The following ZNF536 variants were observed in gnomAD, a reference collection of about 807,000 sequenced individuals.
ZNF536 encodes the protein zinc finger protein 536.
A neutral mutation model predicts 84.5 loss-of-function variants in ZNF536; 13 were observed. The ratio of observed to expected loss-of-function variants is 0.15; its 90% confidence interval spans 0.10 to 0.24. The LOEUF (loss-of-function observed/expected upper bound fraction) is 0.24, where lower values mean the gene tolerates loss of function less well. Among genes scored for constraint, ZNF536 ranks in the 10% least tolerant of loss-of-function variants. The pLI, the probability that ZNF536 is intolerant of heterozygous loss-of-function variation, is 1.00. For missense variants in ZNF536, 1,536 were observed against 1,747.5 expected (o/e 0.88, Z 2.16); for synonymous variants, 811 against 742.5 (o/e 1.09, Z -1.50).
intron 2 of ZNF536, among the ~76,000 whole-genome samples, chr19:30,329,409 G>A (rs2047138055): frequency 6.6e-6 from 1 of 151,992 alleles, no homozygotes; most frequent in South Asian, 2.1e-4. Context: ...GGAATGGGAG[G>A]TGGGGAGGAA....
rs2046233067 is a variant in ZNF536 at position 30,302,948 on chromosome 19, C to T, written c.-120+18807C>T. Among the ~76,000 whole-genome samples, 3 of 152,202 alleles carry T rather than the reference C, an allele frequency of 2.0e-5. 1 individual carries two copies. The South Asian group carries it at 6.2e-4, about 32-fold the overall frequency. ...TTTACCCCCTGCTGAACTATAAACT[C>T]TCTGGTGGCAGGGACATTTTTCTTG... On this transcript the variant is annotated intron_variant, in intron 2 of 5. Transcript: ENST00000585628.
chr19:30,616,037 C>CCACCTTGTTAAATTTTCCTATTGTTTTG, intron 1 of ZNF536, among the ~76,000 whole-genome samples: 1 of 152,284 alleles, frequency 6.6e-6, no homozygotes, highest in South Asian at 2.1e-4. Context: ...TTATAACCAG[C>CCACCTTGTTAAATTTTCCTATTGTTTTG]CACCTTGTTA....
Position 30,445,889 on chromosome 19 carries a change from C to G in ZNF536, c.2170+157C>G, listed in dbSNP as rs1049625563. On this transcript the variant is annotated intron_variant, in intron 2 of 4. Coordinates refer to ENST00000355537, the MANE Select transcript of ZNF536 (RefSeq NM_014717.3). The surrounding 1 kb of genome is among the most constrained non-coding windows in gnomAD (Gnocchi z 4.5). ...ACTGGGCCATGCCTTTCTTTCCCCC[C>G]CTGACTGGAGGGAAAGGGCCGTCCT... Among the ~76,000 whole-genome samples, 5 of 152,238 alleles carry G rather than the reference C, an allele frequency of 3.3e-5. No individual in the cohort carries two copies. The highest frequency in any genetic ancestry group is 6.8e-3 in the Middle Eastern group (2 of 294).
chr19:30,684,094 C>T (rs2051079065), intron 1 of ZNF536, among the ~76,000 whole-genome samples: 1 of 151,988 alleles, frequency 6.6e-6, no homozygotes, highest in Non-Finnish European at 1.5e-5. Context: ...AGTAAAAGAA[C>T]CAAGATCAAC....
chr19:30,334,682 G>A (rs2047322755), intron 2 of ZNF536, among the ~76,000 whole-genome samples: 1 of 152,184 alleles, frequency 6.6e-6, no homozygotes, highest in Admixed American at 6.5e-5. Context: ...TCATGGAGAT[G>A]TTATTCATGA....
At chr19:30,454,322 TTAAAG>T (rs1259573451) in intron 2 of ZNF536, among the ~76,000 whole-genome samples, 3 of 152,174 alleles carry the variant, frequency 2.0e-5, no homozygotes, top group Non-Finnish European at 4.4e-5. Context: ...CTTCTCTTCA[TTAAAG>T]TAATGTCCAG....
chr19:30,687,758 C>T (rs950687432), intron 1 of ZNF536, among the ~76,000 whole-genome samples: 1 of 152,108 alleles, frequency 6.6e-6, no homozygotes, highest in Non-Finnish European at 1.5e-5. Context: ...ACTTTCAGGC[C>T]TCCTGCTGTA....
At chr19:30,458,811 C>G (rs1330012696) in intron 2 of ZNF536, among the ~76,000 whole-genome samples, 1 of 152,120 alleles carries the variant, frequency 6.6e-6, no homozygotes, top group Non-Finnish European at 1.5e-5. Context: ...GACCCATGTG[C>G]CTGGTGAGGG....
In ZNF536 at chr19:30,444,996, C is replaced by A; in HGVS notation, c.1434C>A (p.His478Gln). ...TGTCTCCCATCTCCAGCATGGCCCA[C>A]GGCGTCCCGGAGGGGGACAAGCACT... ...KLLSPISSMA[H>Q]GVPEGDKHSL... Residue 478 changes from histidine to glutamine, a missense_variant, in exon 2 of 5, where the codon CAC becomes CAA. By Grantham distance (24) the His-to-Gln change is conservative. Transcript: ENST00000355537. 6.2e-7 allele frequency: 1 copy of A among 1,610,956 alleles called. No individual in the cohort carries two copies. Among genetic ancestry groups the A allele is most frequent in the South Asian group, 1.1e-5 (1 of 90,760 alleles).
chr19:30,479,857 T>C (rs1201081569), intron 2 of ZNF536, among the ~76,000 whole-genome samples: 2 of 152,200 alleles, frequency 1.3e-5, no homozygotes, highest in Non-Finnish European at 2.9e-5. Context: ...GTTTCACATT[T>C]CTCTTTTTTA....
chr19:30,487,373 A>G (rs1406746732), intron 2 of ZNF536, among the ~76,000 whole-genome samples: 4 of 152,218 alleles, frequency 2.6e-5, no homozygotes, highest in Non-Finnish European at 5.9e-5. Flanking sequence ...AGGAGTGTGC[A>G]CAAGAACAAA....
At chr19:30,346,738 T>C (rs550107151) in intron 2 of ZNF536, among the ~76,000 whole-genome samples, 54 of 152,376 alleles carry the variant, frequency 3.5e-4, no homozygotes, top group South Asian at 8.3e-4. Context: ...CTTTATCCAG[T>C]GTACCATTGA....
At chr19:30,699,545 TA>T (rs2051806759) in intron 1 of ZNF536, among the ~76,000 whole-genome samples, 1 of 152,226 alleles carries the variant, frequency 6.6e-6, no homozygotes, top group Admixed American at 6.5e-5. Flanking sequence ...AATATTTTTT[TA>T]AAACTGAAAA....
intron 2 of ZNF536, among the ~76,000 whole-genome samples, chr19:30,336,772 T>A (rs1332090994): frequency 6.6e-6 from 1 of 152,192 alleles, no homozygotes; most frequent in Non-Finnish European, 1.5e-5. Flanking sequence ...AGTTCAGCTG[T>A]GACCCCTGAT....
intron 1 of ZNF536, among the ~76,000 whole-genome samples, chr19:30,256,498 T>A (rs904477744): frequency 6.6e-6 from 1 of 152,194 alleles, no homozygotes; most frequent in African/African-American, 2.4e-5. Flanking sequence ...CCATGAGTAA[T>A]TATCTAATTT....
chr19:30,574,904 C>T (rs1432369037), intron 1 of ZNF536, among the ~76,000 whole-genome samples: 6 of 152,132 alleles, frequency 3.9e-5, no homozygotes, highest in African/African-American at 1.4e-4. Context: ...TAAGGTCTAG[C>T]GTGGCTTGAA....
rs565681895 is a variant in ZNF536, at chr19:30,238,220, C to T, written c.-190+9547C>T. On this transcript the variant is annotated intron_variant, in intron 1 of 5. Coordinates refer to the ZNF536 transcript ENST00000585628. Reference sequence around the variant, plus strand: ...TGTGGGCTTCAGTCATCTGCAGAGCCGGGTGAAGAAGTGCCATTCCTCCTT... The same window carrying T: ...TGTGGGCTTCAGTCATCTGCAGAGCTGGGTGAAGAAGTGCCATTCCTCCTT... 5.3e-5 allele frequency among the ~76,000 whole-genome samples: 8 copies of T among 152,306 alleles called. No homozygotes were observed. The East Asian group carries it at 1.2e-3, about 22-fold the overall frequency.
chr19:30,398,280 C>T (rs927757387), intron 1 of ZNF536, among the ~76,000 whole-genome samples: 4 of 152,172 alleles, frequency 2.6e-5, no homozygotes, highest in African/African-American at 9.7e-5. Flanking sequence ...GTGCCCCAAC[C>T]ATCCCTAGCC....
At chr19:30,272,275 A>G (rs544031680) in intron 1 of ZNF536, among the ~76,000 whole-genome samples, 6 of 152,268 alleles carry the variant, frequency 3.9e-5, no homozygotes, top group East Asian at 1.9e-4. Flanking sequence ...TAAATATCCA[A>G]TAAAATTGAG....
Sources: gnomAD v4.1 joint callset for allele counts (sites outside exome capture counted in the v4.1 genomes callset) on GRCh38, gnomAD v4.1.1 for gene constraint, Gnocchi (gnomAD v3.1) non-coding constraint, MANE v1.5 for transcripts, NCBI Gene and HGNC (gene_info 2026-07-23, HGNC 2026-07-21) for gene names.